The following RORA variants were observed in gnomAD, a reference collection of about 807,000 sequenced individuals.
RORA encodes the protein nuclear receptor ROR-alpha.
Under a neutral mutation model 69.5 loss-of-function variants are expected in RORA, and 7 were observed. The observed-to-expected ratio is 0.10, with a 90% CI of 0.06 to 0.19. The LOEUF (loss-of-function observed/expected upper bound fraction) is 0.19. RORA is among the 10% of genes least tolerant of loss of function. The pLI is 1.00. For synonymous variants in RORA, 261 were observed against 240.8 expected (o/e 1.08, Z -0.78); for missense variants, 457 against 663.0 (o/e 0.69, Z 3.41).
At chr15:60,943,733 C>T (rs1041573802) in intron 1 of RORA, among the ~76,000 whole-genome samples, 4 of 151,222 alleles carry the variant, frequency 2.6e-5, no homozygotes, top group Non-Finnish European at 5.9e-5. Context: ...CTGGGCAACA[C>T]GGTGAAACCC....
intron 1 of RORA, among the ~76,000 whole-genome samples, chr15:61,115,744 G>A (rs887600929): frequency 1.3e-5 from 2 of 152,088 alleles, no homozygotes; most frequent in South Asian, 2.1e-4. Flanking sequence ...TGAACCAAGC[G>A]GGGATCAACA....
chr15:60,832,511 G>A (rs531245703), intron 1 of RORA, among the ~76,000 whole-genome samples: 60 of 152,244 alleles, frequency 3.9e-4, no homozygotes, highest in Non-Finnish European at 5.3e-4. Context: ...GCTTCATGGA[G>A]CACAACTGTT....
intron 1 of RORA, among the ~76,000 whole-genome samples, chr15:60,830,871 C>CA (rs1007400049): frequency 3.9e-5 from 6 of 152,180 alleles, no homozygotes; most frequent in African/African-American, 1.2e-4. Context: ...GACCACACCT[C>CA]AATTTAATGG....
intron 1 of RORA, among the ~76,000 whole-genome samples, chr15:60,950,308 C>G (rs1342357169): frequency 2.1e-5 from 3 of 142,056 alleles, no homozygotes; most frequent in Admixed American, 7.3e-5. Context: ...TGGAAAGGAA[C>G]AACCGGTACC....
At chr15:61,052,939 T>C (rs920431028) in intron 1 of RORA, among the ~76,000 whole-genome samples, 3 of 152,236 alleles carry the variant, frequency 2.0e-5, no homozygotes, top group East Asian at 3.8e-4. Flanking sequence ...CTTTTCCTAA[T>C]TCACTGAAAG....
intron 1 of RORA, chr15:60,764,979 G>A (rs1349397617): frequency 4.0e-5 from 5 of 123,626 alleles, no homozygotes; most frequent in African/African-American, 1.5e-4. Flanking sequence ...TCCACAAAAG[G>A]AAGCGAGCTA....
intron 1 of RORA, among the ~76,000 whole-genome samples, chr15:61,014,073 G>T (rs926894607): frequency 6.6e-6 from 1 of 152,086 alleles, no homozygotes; most frequent in African/African-American, 2.4e-5. Flanking sequence ...GTGAGCCACC[G>T]CACCCGGCCG....
chr15:60,523,210 T>C (rs943595500), intron 3 of RORA, among the ~76,000 whole-genome samples: 2 of 152,224 alleles, frequency 1.3e-5, no homozygotes, highest in African/African-American at 2.4e-5. Flanking sequence ...CATGTCATTG[T>C]TGGCGAATGA....
intron 1 of RORA, 61 bp from the exon 2 acceptor site, chr15:60,678,747 T>G: frequency 7.1e-7 from 1 of 1,400,928 alleles, no homozygotes; most frequent in Non-Finnish European, 1.0e-6. Context: ...GCTTTGAATG[T>G]CCGTCATTCC....
intron 1 of RORA, among the ~76,000 whole-genome samples, chr15:60,689,902 G>A (rs2070798105): frequency 6.6e-6 from 1 of 152,182 alleles, no homozygotes; most frequent in African/African-American, 2.4e-5. Context: ...AGGCTCTGCT[G>A]CCACCTTGAT....
In RORA at chr15:60,591,390, G is replaced by A. The variant is rs2068504587; in HGVS notation, c.197-59539C>T. 1.3e-5 allele frequency among the ~76,000 whole-genome samples: 2 copies of A among 152,194 alleles called. 1 individual carries two copies. The highest frequency in any genetic ancestry group is 4.1e-4 in the South Asian group (2 of 4,836). On this transcript the variant is annotated intron_variant, in intron 2 of 10. Transcript: ENST00000335670. Reference sequence around the variant, plus strand: ...AGTCTCGGTTTCTCCGGCAGCACGGGCGACTTCCTGAACACCTCCAAACTT... The same window carrying A: ...AGTCTCGGTTTCTCCGGCAGCACGGACGACTTCCTGAACACCTCCAAACTT...
intron 1 of RORA, among the ~76,000 whole-genome samples, chr15:61,013,146 A>C (rs1895144270): frequency 6.6e-6 from 1 of 152,238 alleles, no homozygotes; most frequent in Non-Finnish European, 1.5e-5. Context: ...GCATAGGATA[A>C]GTCACTTTAC....
chr15:60,722,202 A>G (rs1435144508), intron 1 of RORA, among the ~76,000 whole-genome samples: 2 of 152,240 alleles, frequency 1.3e-5, no homozygotes, highest in East Asian at 1.9e-4. Context: ...CTGAATTTCA[A>G]GAAGACTTCC....
chr15:60,885,037 T>C (rs1224295701), intron 1 of RORA, among the ~76,000 whole-genome samples: 2 of 152,250 alleles, frequency 1.3e-5, no homozygotes, highest in Admixed American at 6.5e-5. Flanking sequence ...TTTCATTCTA[T>C]GAAAACAGCG....
intron 2 of RORA, among the ~76,000 whole-genome samples, chr15:60,598,808 A>G (rs1158994175): frequency 6.6e-6 from 1 of 152,206 alleles, no homozygotes; most frequent in Non-Finnish European, 1.5e-5. Context: ...GGACACAAAG[A>G]TGGATAAGAA....
chr15:60,784,583 G>A (rs532856356), intron 1 of RORA, among the ~76,000 whole-genome samples: 1 of 152,330 alleles, frequency 6.6e-6, no homozygotes, highest in South Asian at 2.1e-4. Context: ...CCAGCACTGA[G>A]TGTACTGTTG....
intron 2 of RORA, among the ~76,000 whole-genome samples, chr15:60,668,269 C>G (rs748983451): frequency 6.6e-6 from 1 of 152,148 alleles, no homozygotes; most frequent in Non-Finnish European, 1.5e-5. Flanking sequence ...CGGAGAGGGA[C>G]TTGTGTCAGT....
At chr15:61,043,521 CT>C (rs1293067318) in intron 1 of RORA, among the ~76,000 whole-genome samples, 16 of 152,322 alleles carry the variant, frequency 1.1e-4, no homozygotes, top group African/African-American at 3.8e-4. Flanking sequence ...ATGTATTACT[CT>C]AATAGAGTAA....
chr15:60,501,326 C>A (rs1412587782), intron 8 of RORA, among the ~76,000 whole-genome samples: 2 of 152,224 alleles, frequency 1.3e-5, no homozygotes, highest in Non-Finnish European at 2.9e-5. Context: ...ACCATTGCCA[C>A]TGTCATCCTC....
Sources: allele counts gnomAD v4.1 joint callset (sites outside exome capture counted in the v4.1 genomes callset), GRCh38; gene constraint gnomAD v4.1.1; transcripts MANE v1.5; gene names NCBI Gene and HGNC (gene_info 2026-07-23, HGNC 2026-07-21).